The following OGFRL1 variants were observed in gnomAD, a reference collection of about 807,000 sequenced individuals.
OGFRL1 encodes the protein opioid growth factor receptor-like protein 1.
In OGFRL1, 26 loss-of-function variants were observed where a neutral mutation model predicts 32.4. The ratio of observed to expected loss-of-function variants is 0.80; its 90% CI spans 0.59 to 1.11. OGFRL1 has a LOEUF of 1.11. Among genes scored for constraint, OGFRL1 ranks in the 50% most tolerant of loss-of-function variants. The pLI is 0.00. For synonymous variants in OGFRL1, 211 were observed against 201.2 expected, an observed-to-expected ratio of 1.05 and a Z score of -0.41; for missense variants, 521 against 546.4, an observed-to-expected ratio of 0.95 and a Z score of 0.46.
chr6:71,298,344 CA>C (rs1257573267), intron 6 of OGFRL1, among the ~76,000 whole-genome samples: 53 of 152,118 alleles, frequency 3.5e-4, no homozygotes, highest in Non-Finnish European at 3.5e-4. Flanking sequence ...GCAATAGTAA[CA>C]GTAAATCTTT....
At position 71,288,970 on chromosome 6, in the gene OGFRL1, G is replaced by T. The variant is rs1477066185; in HGVS notation, c.34G>T (p.Glu12Ter). 7.2e-7 allele frequency: 1 copy of T among 1,391,868 alleles called. No individual in the cohort carries two copies. The highest frequency in any genetic ancestry group is 9.5e-7 in the Non-Finnish European group (1 of 1,057,692). The allele number at this position is 1,391,868 out of a possible 1,614,324, so 86.2% of individuals were successfully genotyped here. ...CCTGCTCGGCGGGGTCAGCTTCCGC[G>T]AGCCCACCACCGTGGAGGACTGCGA... is the stretch of plus-strand genomic sequence containing the variant. ...GNLLGGVSFREPTTVEDCDST... is the reference protein window; with the variant it reads ...GNLLGGVSFR Residue 12 changes from glutamate (E) to a stop codon, truncating the protein, a stop_gained, in exon 1 of 7, where the codon GAG becomes TAG. Coordinates refer to ENST00000370435, the MANE Select transcript of OGFRL1 (RefSeq NM_024576.5). LOFTEE classifies it high-confidence loss of function.
At position 71,301,579 on chromosome 6, in the gene OGFRL1, C is replaced by T; in HGVS notation, c.886C>T (p.Leu296Phe). ...TAGAGACAGAAGAGAAAGGAGAAAGCTCCTGCGGTTCGCCCAGAAACACTA... is the reference window on the plus strand; with the variant it reads ...TAGAGACAGAAGAGAAAGGAGAAAGTTCCTGCGGTTCGCCCAGAAACACTA... ...TIRDRRERRK[L>F]LRFAQKHYTP... Residue 296 changes from leucine (L) to phenylalanine (F), a missense_variant, in exon 7 of 7, where the codon CTC becomes TTC. Coordinates refer to ENST00000370435, the MANE Select transcript of OGFRL1 (RefSeq NM_024576.5). The T allele has an allele frequency of 1.2e-6, 2 of 1,614,172 alleles. No homozygotes were observed. The highest frequency in any genetic ancestry group is 1.7e-6 in the Non-Finnish European group (2 of 1,180,020).
At chr6:71,289,454 C>T (rs1246991316) in intron 1 of OGFRL1, 2 of 981,156 alleles carry the variant, frequency 2.0e-6, no homozygotes, top group Non-Finnish European at 2.4e-6. Flanking sequence ...GTTTTCTTTG[C>T]CTCTGCAGAG....
chr6:71,291,296 A>C (rs1012337110), intron 1 of OGFRL1: 1 of 152,182 alleles, frequency 6.6e-6, no homozygotes, highest in Non-Finnish European at 1.5e-5. Flanking sequence ...GAAGTTCACA[A>C]GAACTATTTT....
chr6:71,295,736 T>C (rs1020380842), intron 3 of OGFRL1: 2 of 152,272 alleles, frequency 1.3e-5, no homozygotes, highest in Non-Finnish European at 2.9e-5. Flanking sequence ...ACATTTTTCT[T>C]TTCTCGTTTT....
rs1395493632 is a variant in OGFRL1, at chr6:71,296,322, T to C, written c.406T>C (p.Tyr136His). Reference sequence around the variant, plus strand: ...TTTAAATATTTACTATTTAGGTGTTTACATTGAAGAAGTTCTAAGTAAATG... The same window carrying C: ...TTTAAATATTTACTATTTAGGTGTTCACATTGAAGAAGTTCTAAGTAAATG... ...NKIPFKPDGV[Y>H]IEEVLSKWKG... The change falls in exon 4 of 7, where the codon TAC (tyrosine) becomes CAC (histidine). Residue 136 changes from tyrosine (Y) to histidine (H), a missense_variant. Transcript: ENST00000370435. The C allele has an allele frequency of 5.0e-6, 8 of 1,595,224 alleles. No homozygotes were observed. Among genetic ancestry groups the C allele is most frequent in the East Asian group, 4.5e-5 (2 of 44,676 alleles).
rs1766501815 is a variant in OGFRL1 at position 71,304,924 on chromosome 6, T to G, written c.*2875T>G. 6.6e-6 allele frequency: 1 copy of G among 152,076 alleles called. No individual in the cohort carries two copies. Among genetic ancestry groups the G allele is most frequent in the East Asian group, 1.9e-4 (1 of 5,200 alleles). 9.4% of individuals were successfully genotyped at this position (152,076 alleles called of 1,614,324 possible). On this transcript the variant is annotated 3_prime_UTR_variant, in exon 7 of 7. Coordinates refer to ENST00000370435, the MANE Select transcript of OGFRL1 (RefSeq NM_024576.5). ...ATTGAGTGTCTAGAATTTTTTTCTA[T>G]TAATGCTTTGTATATTAGTTTTTTA...
At position 71,303,208 on chromosome 6, in the gene OGFRL1, A is replaced by C. The variant is rs1766452392; in HGVS notation, c.*1159A>C. 6.6e-6 allele frequency: 1 copy of C among 152,234 alleles called. No individual in the cohort carries two copies. The highest frequency in any genetic ancestry group is 6.5e-5 in the Admixed American group (1 of 15,274). The allele number at this position is 152,234 out of a possible 1,614,324, so 9.4% of individuals were successfully genotyped here. On this transcript the variant is annotated 3_prime_UTR_variant, in exon 7 of 7. Coordinates refer to ENST00000370435, the MANE Select transcript of OGFRL1 (RefSeq NM_024576.5). ...TATATTGTATGTATTAGGTATTGTA[A>C]GTAATTTAGAGATGATTTAAAGTAT...
chr6:71,290,305 G>A (rs1227264869), intron 1 of OGFRL1, among the ~76,000 whole-genome samples: 1 of 152,118 alleles, frequency 6.6e-6, no homozygotes, highest in East Asian at 1.9e-4. Flanking sequence ...TGGACCTGTG[G>A]AATTCTGAAT....
In OGFRL1 at chr6:71,289,174, C is replaced by G; in HGVS notation, c.234+4C>G. On this transcript the variant is annotated splice_donor_region_variant and intron_variant, in intron 1 of 6. Transcript: ENST00000370435. ...CGAGGCGGCGGGCGCCGAGCAGGTA[C>G]GCGGCCCAGCGGTGGCCTCGGGTCG... The G allele has an allele frequency of 9.3e-7, 1 of 1,069,794 alleles. No homozygotes were observed. Among genetic ancestry groups the G allele is most frequent in the Non-Finnish European group, 1.1e-6 (1 of 887,208 alleles). 66.3% of individuals were successfully genotyped at this position (1,069,794 alleles called of 1,614,324 possible).
chr6:71,304,407 A>G lies in OGFRL1; in HGVS notation c.*2358A>G, dbSNP rs1434696081. ...TAAATAGTTCTACAGGGTTTAGAGGATGAGAAGCGATTGTCAAATTAGGCT... is the reference window on the plus strand; with the variant it reads ...TAAATAGTTCTACAGGGTTTAGAGGGTGAGAAGCGATTGTCAAATTAGGCT... On this transcript the variant is annotated 3_prime_UTR_variant, in exon 7 of 7. Coordinates refer to ENST00000370435, the MANE Select transcript of OGFRL1 (RefSeq NM_024576.5). 1 of 152,148 alleles carries G rather than the reference A, an allele frequency of 6.6e-6. No homozygotes were observed. Among genetic ancestry groups the G allele is most frequent in the Non-Finnish European group, 1.5e-5 (1 of 67,982 alleles). The allele number at this position is 152,148 out of a possible 1,614,324, so 9.4% of individuals were successfully genotyped here.
chr6:71,296,850 A>G (rs1259764096), intron 6 of OGFRL1, 33 bp downstream of exon 6: 1 of 1,589,418 alleles, frequency 6.3e-7, no homozygotes, highest in African/African-American at 1.4e-5. Flanking sequence ...ATCAGGGGCC[A>G]GCACAGTTAT....
At chr6:71,298,070 CTTT>C (rs1277772658) in intron 6 of OGFRL1, among the ~76,000 whole-genome samples, 2 of 150,110 alleles carry the variant, frequency 1.3e-5, no homozygotes, top group Non-Finnish European at 3.0e-5. Flanking sequence ...AAAAAGCCTT[CTTT>C]TTACTTTATT....
In OGFRL1 at chr6:71,302,365, A is replaced by G. The variant is rs2149357487; in HGVS notation, c.*316A>G. 1 of 189,158 alleles carries G rather than the reference A, an allele frequency of 5.3e-6. No individual in the cohort carries two copies. The highest frequency in any genetic ancestry group is 1.2e-4 in the East Asian group (1 of 8,064). 11.7% of individuals were successfully genotyped at this position (189,158 alleles called of 1,614,324 possible). ...GAAATTACCATGTAGTATTTGGTAT[A>G]CAAAATACATTCTTTTGAGACATTA... On this transcript the variant is annotated 3_prime_UTR_variant, in exon 7 of 7. Transcript: ENST00000370435.
At chr6:71,289,659 T>A (rs925803356) in intron 1 of OGFRL1, 1 of 983,074 alleles carries the variant, frequency 1.0e-6, no homozygotes, top group Non-Finnish European at 1.2e-6. Flanking sequence ...GTCAGAAGTG[T>A]AGGCCCTCAT....
At chr6:71,298,306 T>C (rs1201664132) in intron 6 of OGFRL1, among the ~76,000 whole-genome samples, 2 of 152,108 alleles carry the variant, frequency 1.3e-5, no homozygotes, top group Admixed American at 1.3e-4. Flanking sequence ...AAGAGCTACA[T>C]GCCAGCAGCC....
rs1472752825 is a variant in OGFRL1 at position 71,308,232 on chromosome 6, G to C, written c.*6183G>C. On this transcript the variant is annotated 3_prime_UTR_variant, in exon 7 of 7. Transcript: ENST00000370435. ...AGACTCAGTGATAGGTGGTTTGTGA[G>C]TGAAGTAACTTCCACACTGTCAAGA... The C allele has an allele frequency of 6.6e-6, 1 of 152,214 alleles. No individual in the cohort carries two copies. The highest frequency in any genetic ancestry group is 1.5e-5 in the Non-Finnish European group (1 of 68,038). 9.4% of individuals were successfully genotyped at this position (152,214 alleles called of 1,614,324 possible).
In OGFRL1 at chr6:71,302,033, TTG is replaced by T. The variant is rs757908221; in HGVS notation, c.1342_1343del (p.Val448ThrfsTer14). The stretch of plus-strand genomic sequence containing the variant: ...CCTGGAAATACAAATTGCCATGATG[TTG>T]TACTAGTACAGTGAATTATCAGAAA... On this transcript the variant is annotated frameshift_variant, in exon 7 of 7. Transcript: ENST00000370435. LOFTEE classifies it high-confidence loss of function. 10 of 1,578,532 alleles carry T rather than the reference TTG, an allele frequency of 6.3e-6. No individual in the cohort carries two copies. In the South Asian group the frequency reaches 1.2e-4, roughly 19 times the overall value.
chr6:71,301,521 G>A lies in OGFRL1; in HGVS notation c.828G>A (p.Lys276=), dbSNP rs546446159. 2.5e-6 allele frequency: 4 copies of A among 1,614,060 alleles called. No homozygotes were observed. In the African/African-American group the frequency reaches 4.0e-5, roughly 16 times the overall value. The change falls in exon 7 of 7, where the codon AAG becomes AAA. Residue 276 remains lysine, a synonymous_variant. Coordinates refer to ENST00000370435, the MANE Select transcript of OGFRL1 (RefSeq NM_024576.5). ...ALVENTIPNI[K]QSALEYFVYT... is the part of the protein sequence containing the mutation. Reference sequence around the variant, plus strand: ...TGGAGAATACTATTCCCAATATTAAGCAGAGTGCTCTAGAGTATTTTGTTT... The same window carrying A: ...TGGAGAATACTATTCCCAATATTAAACAGAGTGCTCTAGAGTATTTTGTTT...
Sources: allele counts gnomAD v4.1 joint callset (sites outside exome capture counted in the v4.1 genomes callset), GRCh38; gene constraint gnomAD v4.1.1; transcripts MANE v1.5; gene names NCBI Gene and HGNC (gene_info 2026-07-23, HGNC 2026-07-21).